BRAF: variants seen among roughly 807,000 people sequenced by gnomAD.
BRAF encodes the protein serine/threonine-protein kinase B-raf.
Under a neutral mutation model 104.6 loss-of-function variants are expected in BRAF, and 16 were observed. The observed-to-expected ratio is 0.15, with a 90% confidence interval of 0.10 to 0.23. BRAF has a LOEUF of 0.23. Ranked by LOEUF, BRAF falls within the 10% of genes least tolerant of loss-of-function variation. The pLI, the probability that BRAF is intolerant of heterozygous loss-of-function variation, is 1.00. For missense variants in BRAF, 541 were observed against 937.3 expected (o/e 0.58, Z 5.52); for synonymous variants, 310 against 341.6 (o/e 0.91, Z 1.02).
intron 7 of BRAF, among the ~76,000 whole-genome samples, chr7:140,798,413 C>G (rs577084813): frequency 1.3e-5 from 2 of 151,308 alleles, no homozygotes; most frequent in African/African-American, 4.9e-5. Context: ...CCCGCCACCA[C>G]GCCCGGCTAA....
chr7:140,846,341 G>C (rs1204195733), intron 2 of BRAF, among the ~76,000 whole-genome samples: 4 of 152,132 alleles, frequency 2.6e-5, no homozygotes, highest in African/African-American at 9.7e-5. Context: ...AAAAAATTTT[G>C]ATATATGCAT....
At position 140,837,682 on chromosome 7, in the gene BRAF, C is replaced by A. The variant is rs551986478; in HGVS notation, c.241-2810G>T. ...GAACTTAGATTTGCCTGGTCCTTCA[C>A]ACTACTGCCTGAAAATCATGCTTGT... On this transcript the variant is annotated intron_variant, in intron 2 of 19. Coordinates refer to ENST00000644969, the MANE Select transcript of BRAF (RefSeq NM_001374258.1). Among the ~76,000 whole-genome samples, 5 of 152,332 alleles carry A rather than the reference C, an allele frequency of 3.3e-5. No homozygotes were observed. In the South Asian group the frequency reaches 1.0e-3, roughly 32 times the overall value.
chr7:140,817,392 C>A (rs1804991705), intron 3 of BRAF, among the ~76,000 whole-genome samples: 3 of 152,086 alleles, frequency 2.0e-5, no homozygotes, highest in Admixed American at 6.5e-5. Flanking sequence ...AAGTAATCTA[C>A]AGATTCAATG....
intron 19 of BRAF, among the ~76,000 whole-genome samples, chr7:140,728,932 A>G (rs897773205): frequency 2.0e-5 from 3 of 152,122 alleles, no homozygotes; most frequent in Non-Finnish European, 2.9e-5. Flanking sequence ...ACTTAAAAAA[A>G]TCTTCAGCTA....
At chr7:140,889,419 A>G (rs78415476) in intron 1 of BRAF, among the ~76,000 whole-genome samples, 2,586 of 152,274 alleles carry the variant, frequency 0.017, 52 homozygotes, top group Non-Finnish European at 0.025. Flanking sequence ...TAACAAGTTC[A>G]TATTTTTTAA....
At chr7:140,797,560 G>C (rs1345477887) in intron 7 of BRAF, among the ~76,000 whole-genome samples, 1 of 152,188 alleles carries the variant, frequency 6.6e-6, no homozygotes, top group Non-Finnish European at 1.5e-5. Context: ...TTACAGACAA[G>C]TTTGAACATC....
chr7:140,761,825 A>T (rs1246395889), intron 14 of BRAF, among the ~76,000 whole-genome samples: 1 of 152,238 alleles, frequency 6.6e-6, no homozygotes, highest in Non-Finnish European at 1.5e-5. Flanking sequence ...GACCAATTCA[A>T]CAAGAAGAGC....
chr7:140,873,663 A>T (rs1023510342), intron 1 of BRAF, among the ~76,000 whole-genome samples: 2 of 152,176 alleles, frequency 1.3e-5, no homozygotes, highest in African/African-American at 4.8e-5. Flanking sequence ...ACACTCCACT[A>T]GTTGAACGGA....
intron 3 of BRAF, chr7:140,834,403 C>A: frequency 2.7e-6 from 2 of 734,688 alleles, no homozygotes; most frequent in Non-Finnish European, 4.3e-6. Flanking sequence ...AATGTCAAAT[C>A]CAACACTAGA....
At chr7:140,771,871 CA>C (rs1799873431) in intron 14 of BRAF, among the ~76,000 whole-genome samples, 1 of 151,904 alleles carries the variant, frequency 6.6e-6, no homozygotes. Flanking sequence ...AGGGTAGAGC[CA>C]GGGGACAGAA....
At position 140,724,556 on chromosome 7, in the gene BRAF, T is replaced by C; in HGVS notation, c.*1938A>G. ...CAAACTGATTAATAACTTAAGGATCTTTTCCATTTTACTAGGACAACCTTT... is the reference window on the plus strand; with the variant it reads ...CAAACTGATTAATAACTTAAGGATCCTTTCCATTTTACTAGGACAACCTTT... On this transcript the variant is annotated 3_prime_UTR_variant, in exon 20 of 20. Coordinates refer to ENST00000644969, the MANE Select transcript of BRAF (RefSeq NM_001374258.1). 5 of 1,042,218 alleles carry C rather than the reference T, an allele frequency of 4.8e-6. No homozygotes were observed. The highest frequency in any genetic ancestry group is 5.8e-6 in the Non-Finnish European group (5 of 864,646). 64.6% of individuals were successfully genotyped at this position (1,042,218 alleles called of 1,614,324 possible). A position where few individuals can be genotyped will look rare whatever the true frequency, so the allele number is the denominator to read the frequency against.
At chr7:140,813,892 C>T (rs1018644264) in intron 3 of BRAF, among the ~76,000 whole-genome samples, 3 of 151,538 alleles carry the variant, frequency 2.0e-5, no homozygotes, top group Non-Finnish European at 4.4e-5. Flanking sequence ...CATACATACA[C>T]ACACACACAC....
intron 1 of BRAF, among the ~76,000 whole-genome samples, chr7:140,864,133 C>T (rs1431696548): frequency 2.6e-5 from 4 of 152,032 alleles, no homozygotes; most frequent in African/African-American, 9.7e-5. Flanking sequence ...GGGAGGAAGA[C>T]TAGTTGAAAC....
intron 1 of BRAF, among the ~76,000 whole-genome samples, chr7:140,895,410 AAC>A (rs1421181071): frequency 1.3e-5 from 2 of 152,202 alleles, no homozygotes; most frequent in South Asian, 4.1e-4. Context: ...AGACAGGAGA[AAC>A]ATTCGTCATT....
At chr7:140,732,015 C>T (rs1340326506) in intron 19 of BRAF, 1 of 148,302 alleles carries the variant, frequency 6.7e-6, no homozygotes, top group African/African-American at 2.5e-5. Flanking sequence ...ACTAAAAATA[C>T]AAAAAATTAG....
intron 1 of BRAF, among the ~76,000 whole-genome samples, chr7:140,919,146 C>CAAA (rs572137875): frequency 2.2e-5 from 2 of 91,844 alleles, no homozygotes; most frequent in Non-Finnish European, 2.7e-5. Flanking sequence ...GACTCCGTCT[C>CAAA]AAAAAAAAAA....
intron 3 of BRAF, chr7:140,834,045 T>A (rs1474696792): frequency 1.9e-5 from 3 of 157,802 alleles, no homozygotes; most frequent in Non-Finnish European, 4.2e-5. Context: ...GATGGGTTAC[T>A]TATTAAGTCT....
chr7:140,814,358 T>A (rs969770153), intron 3 of BRAF, among the ~76,000 whole-genome samples: 1 of 152,192 alleles, frequency 6.6e-6, no homozygotes, highest in Non-Finnish European at 1.5e-5. Flanking sequence ...TCTACTTTTA[T>A]GTATGTTTAA....
At chr7:140,737,832 G>C (rs768627356) in intron 18 of BRAF, among the ~76,000 whole-genome samples, 2 of 152,166 alleles carry the variant, frequency 1.3e-5, no homozygotes, top group Non-Finnish European at 2.9e-5. Context: ...ACTTTAAAGG[G>C]ATAGCCTCCA....
Sources: gnomAD v4.1 joint callset for allele counts (sites outside exome capture counted in the v4.1 genomes callset) on GRCh38, gnomAD v4.1.1 for gene constraint, MANE v1.5 for transcripts, NCBI Gene and HGNC (gene_info 2026-07-23, HGNC 2026-07-21) for gene names.